Variants in FRMD4B observed in about 807,000 individuals in gnomAD.
FRMD4B encodes the protein FERM domain-containing protein 4B.
Under a neutral mutation model 141.5 loss-of-function variants are expected in FRMD4B, and 74 were observed. The observed-to-expected ratio is 0.52, with a 90% CI of 0.43 to 0.63. The LOEUF is 0.63. Among genes scored for constraint, FRMD4B ranks in the 30% least tolerant of loss-of-function variants. The pLI, the probability that FRMD4B is intolerant of heterozygous loss-of-function variation, is 0.00. For synonymous variants in FRMD4B, 506 were observed against 467.9 expected, an observed-to-expected ratio of 1.08 and a Z score of -1.05; for missense variants, 1,366 against 1,253.4, an observed-to-expected ratio of 1.09 and a Z score of -1.36.
At chr3:69,221,813 T>C in intron 9 of FRMD4B, 45 bp downstream of exon 9, 2 of 916,582 alleles carry the variant, frequency 2.2e-6, no homozygotes, top group Non-Finnish European at 3.6e-6. Context: ...TACCTTCAGA[T>C]GAGAGATATT....
intron 1 of FRMD4B, among the ~76,000 whole-genome samples, chr3:69,327,381 T>C (rs1702220814): frequency 6.6e-6 from 1 of 152,238 alleles, no homozygotes; most frequent in Admixed American, 6.5e-5. Flanking sequence ...CACGGTATAA[T>C]ACATTTGGAA....
chr3:69,385,231 A>G (rs1202509638), intron 1 of FRMD4B, among the ~76,000 whole-genome samples: 1 of 152,080 alleles, frequency 6.6e-6, no homozygotes, highest in Non-Finnish European at 1.5e-5. Flanking sequence ...GAGCATTCCA[A>G]CGTGTAGCCG....
Position 69,244,326 on chromosome 3 carries a change from G to A in FRMD4B, c.581+4900C>T, listed in dbSNP as rs74738422. 4.2e-4 allele frequency among the ~76,000 whole-genome samples: 64 copies of A among 152,254 alleles called. No individual in the cohort carries two copies. The East Asian group carries it at 0.011, about 27-fold the overall frequency. On this transcript the variant is annotated intron_variant, in intron 7 of 22. Transcript: ENST00000398540. ...CTGGGCTGTTGGTGAGGTCAGCTTC[G>A]GAAATGCTGAATTCAAGAAAGAGGT...
intron 1 of FRMD4B, among the ~76,000 whole-genome samples, chr3:69,372,494 G>A (rs770173054): frequency 2.0e-5 from 3 of 152,094 alleles, no homozygotes; most frequent in Non-Finnish European, 2.9e-5. Flanking sequence ...GAGAAAGCCC[G>A]TCTCTGCTAA....
chr3:69,362,872 TTA>T (rs1383566893), intron 1 of FRMD4B, among the ~76,000 whole-genome samples: 1 of 152,016 alleles, frequency 6.6e-6, no homozygotes, highest in Non-Finnish European at 1.5e-5. Flanking sequence ...CCAATTTTTA[TTA>T]TATGTTTCCT....
intron 1 of FRMD4B, among the ~76,000 whole-genome samples, chr3:69,379,522 G>A (rs1430365787): frequency 6.6e-6 from 1 of 152,164 alleles, no homozygotes; most frequent in Non-Finnish European, 1.5e-5. Flanking sequence ...CAAGTGACCT[G>A]CCCGCCTTGG....
chr3:69,358,509 A>T (rs1703387021), intron 1 of FRMD4B, among the ~76,000 whole-genome samples: 1 of 152,158 alleles, frequency 6.6e-6, no homozygotes, highest in African/African-American at 2.4e-5. Context: ...GCCAAAAAAA[A>T]CAGATTGCTT....
At chr3:69,243,299 T>C (rs1351693989) in intron 7 of FRMD4B, among the ~76,000 whole-genome samples, 1 of 151,206 alleles carries the variant, frequency 6.6e-6, no homozygotes, top group Non-Finnish European at 1.5e-5. Flanking sequence ...GGAAACAAAA[T>C]AAAAAGGGAG....
chr3:69,342,437 T>C (rs989674675), intron 1 of FRMD4B, among the ~76,000 whole-genome samples: 3 of 152,178 alleles, frequency 2.0e-5, no homozygotes, highest in Non-Finnish European at 1.5e-5. Flanking sequence ...ATTTATATCA[T>C]TATGAACATT....
chr3:69,440,372 T>A (rs73835845), intron 1 of FRMD4B, among the ~76,000 whole-genome samples: 13 of 152,226 alleles, frequency 8.5e-5, no homozygotes, highest in Non-Finnish European at 1.6e-4. Flanking sequence ...ATTTGTTTAG[T>A]TCATCATTGG....
intron 1 of FRMD4B, among the ~76,000 whole-genome samples, chr3:69,516,254 T>C (rs1021289883): frequency 3.9e-5 from 6 of 152,114 alleles, no homozygotes; most frequent in Non-Finnish European, 5.9e-5. Context: ...AATATTTCCA[T>C]GCCTTAATTC....
intron 1 of FRMD4B, among the ~76,000 whole-genome samples, chr3:69,455,637 C>A (rs574074963): frequency 6.6e-6 from 1 of 152,118 alleles, no homozygotes; most frequent in African/African-American, 2.4e-5. Flanking sequence ...TGCGAGGGTC[C>A]GTGGCTTCAT....
At chr3:69,487,191 C>G (rs1400268960) in intron 1 of FRMD4B, among the ~76,000 whole-genome samples, 1 of 152,154 alleles carries the variant, frequency 6.6e-6, no homozygotes, top group Non-Finnish European at 1.5e-5. Context: ...CTGGAGCAGT[C>G]TCATAGAACC....
At chr3:69,185,799 T>C (rs966799026) in intron 19 of FRMD4B, among the ~76,000 whole-genome samples, 1 of 152,154 alleles carries the variant, frequency 6.6e-6, no homozygotes, top group Non-Finnish European at 1.5e-5. Context: ...CCTAGCACTT[T>C]GGGAGGCCGA....
chr3:69,402,061 A>G (rs1704572134), intron 2 of FRMD4B, among the ~76,000 whole-genome samples: 1 of 152,236 alleles, frequency 6.6e-6, no homozygotes. Context: ...ACACAACTGC[A>G]GTGAATTTCC....
At chr3:69,413,205 A>T (rs1278596867) in intron 2 of FRMD4B, among the ~76,000 whole-genome samples, 1 of 152,208 alleles carries the variant, frequency 6.6e-6, no homozygotes, top group Non-Finnish European at 1.5e-5. Flanking sequence ...GGATGAAAGT[A>T]ATCATTAGTA....
chr3:69,505,096 TA>T (rs11294181), intron 1 of FRMD4B, among the ~76,000 whole-genome samples: 150,360 of 152,328 alleles, frequency 0.99, 74,213 homozygotes, highest in East Asian at 1. Context: ...GTGGCCAGCA[TA>T]AGTGGCTTAT....
chr3:69,492,449 A>C (rs1475523213), intron 1 of FRMD4B, among the ~76,000 whole-genome samples: 2 of 152,232 alleles, frequency 1.3e-5, no homozygotes, highest in Non-Finnish European at 2.9e-5. Flanking sequence ...TTGAGAAAAA[A>C]TACATGCTTT....
intron 1 of FRMD4B, among the ~76,000 whole-genome samples, chr3:69,369,335 G>GA (rs1306188239): frequency 3.3e-5 from 5 of 151,754 alleles, no homozygotes; most frequent in Middle Eastern, 3.4e-3. Context: ...TTAGCTCAGA[G>GA]AAAAAACAAA....
Sources: allele counts gnomAD v4.1 joint callset (sites outside exome capture counted in the v4.1 genomes callset), GRCh38; gene constraint gnomAD v4.1.1; transcripts MANE v1.5; gene names NCBI Gene and HGNC (gene_info 2026-07-23, HGNC 2026-07-21).